The following TRDN variants were observed in gnomAD, a reference collection of about 807,000 sequenced individuals.
The protein encoded by TRDN is triadin in skeletal muscle.
A neutral mutation model predicts 149.7 loss-of-function variants in TRDN; 161 were observed. The ratio of observed to expected loss-of-function variants is 1.08; its 90% CI spans 0.95 to 1.23. The LOEUF (loss-of-function observed/expected upper bound fraction) is 1.23, where lower values mean the gene tolerates loss of function less well. Among genes scored for constraint, TRDN ranks in the 50% most tolerant of loss-of-function variants. The pLI, the probability that TRDN is intolerant of heterozygous loss-of-function variation, is 0.00. For synonymous variants in TRDN, 294 were observed against 250.5 expected (o/e 1.17, Z -1.64); for missense variants, 896 against 823.5 (o/e 1.09, Z -1.08).
chr6:123,495,704 T>C (rs1488781879), intron 9 of TRDN, among the ~76,000 whole-genome samples: 1 of 151,900 alleles, frequency 6.6e-6, no homozygotes, highest in Non-Finnish European at 1.5e-5. Context: ...CTGAAACTTG[T>C]AAGTGTTGAG....
At chr6:123,509,078 C>T (rs1271731315) in intron 7 of TRDN, among the ~76,000 whole-genome samples, 2 of 151,844 alleles carry the variant, frequency 1.3e-5, no homozygotes, top group African/African-American at 4.8e-5. Flanking sequence ...CACATATATA[C>T]ATATGCATAC....
At chr6:123,536,958 T>G (rs1271439677) in intron 4 of TRDN, among the ~76,000 whole-genome samples, 1 of 151,944 alleles carries the variant, frequency 6.6e-6, no homozygotes, top group African/African-American at 2.4e-5. Context: ...TTTCAGAAAT[T>G]TTTTCATGTA....
At chr6:123,251,532 G>GT (rs1392011004) in intron 38 of TRDN, among the ~76,000 whole-genome samples, 1 of 151,402 alleles carries the variant, frequency 6.6e-6, no homozygotes. Flanking sequence ...CACTTGTTTT[G>GT]TTTTGTCTTT....
At chr6:123,629,123 G>A (rs1272733903) in intron 1 of TRDN, among the ~76,000 whole-genome samples, 2 of 152,080 alleles carry the variant, frequency 1.3e-5, no homozygotes, top group East Asian at 1.9e-4. Flanking sequence ...TGTCAGAGAA[G>A]TGCCACTTCA....
At chr6:123,580,691 CCAAT>C (rs1470311589) in intron 1 of TRDN, among the ~76,000 whole-genome samples, 1 of 152,104 alleles carries the variant, frequency 6.6e-6, no homozygotes, top group African/African-American at 2.4e-5. Context: ...CTGCCTATCA[CCAAT>C]CAAATAGCTG....
chr6:123,404,805 C>T (rs1773129749), intron 12 of TRDN, among the ~76,000 whole-genome samples: 1 of 152,206 alleles, frequency 6.6e-6, no homozygotes, highest in Admixed American at 6.5e-5. Flanking sequence ...CTTTAACTGT[C>T]AGCTCACATG....
chr6:123,447,255 T>G (rs1435640205), intron 10 of TRDN, among the ~76,000 whole-genome samples: 2 of 152,190 alleles, frequency 1.3e-5, no homozygotes, highest in Non-Finnish European at 2.9e-5. Flanking sequence ...GTCATACAAT[T>G]TATTCACATA....
chr6:123,574,694 G>A (rs1162335892), intron 1 of TRDN, among the ~76,000 whole-genome samples: 1 of 151,602 alleles, frequency 6.6e-6, no homozygotes. Flanking sequence ...TCACTGTATT[G>A]AGTTGTATAT....
At chr6:123,569,523 T>A (rs1782454204) in intron 2 of TRDN, among the ~76,000 whole-genome samples, 1 of 152,204 alleles carries the variant, frequency 6.6e-6, no homozygotes, top group Non-Finnish European at 1.5e-5. Context: ...CTTGCATTGC[T>A]ATAAAGAAAT....
chr6:123,455,688 C>A (rs974451251), intron 10 of TRDN, among the ~76,000 whole-genome samples: 6 of 152,074 alleles, frequency 3.9e-5, no homozygotes, highest in African/African-American at 1.4e-4. Flanking sequence ...TCCTAAAAAA[C>A]TCTTTTAAAT....
intron 38 of TRDN, among the ~76,000 whole-genome samples, chr6:123,250,443 G>A (rs1390132308): frequency 3.9e-5 from 6 of 151,998 alleles, no homozygotes; most frequent in Admixed American, 3.9e-4. Context: ...AAAGGATTCG[G>A]AAAAAGAATG....
At chr6:123,428,056 A>T (rs958888759) in intron 12 of TRDN, among the ~76,000 whole-genome samples, 1 of 152,166 alleles carries the variant, frequency 6.6e-6, no homozygotes, top group Admixed American at 6.6e-5. Flanking sequence ...TCTAGAAATG[A>T]CTTCTTGAAG....
intron 19 of TRDN, among the ~76,000 whole-genome samples, chr6:123,368,503 A>C (rs1005631014): frequency 3.2e-4 from 48 of 152,318 alleles, no homozygotes; most frequent in African/African-American, 1.1e-3. Context: ...TTCTAAGTTA[A>C]TGAGTCTGGC....
At chr6:123,594,470 T>C (rs1783935198) in intron 1 of TRDN, among the ~76,000 whole-genome samples, 1 of 152,026 alleles carries the variant, frequency 6.6e-6, no homozygotes, top group African/African-American at 2.4e-5. Flanking sequence ...ATAATTTAAT[T>C]ACATCATGTC....
At chr6:123,537,317 G>A (rs1583207826) in intron 4 of TRDN, among the ~76,000 whole-genome samples, 1 of 151,902 alleles carries the variant, frequency 6.6e-6, no homozygotes, top group East Asian at 1.9e-4. Context: ...CTATATTTAT[G>A]GTATTCTACA....
intron 2 of TRDN, among the ~76,000 whole-genome samples, chr6:123,561,249 G>T (rs921688005): frequency 1.3e-5 from 2 of 152,080 alleles, no homozygotes; most frequent in African/African-American, 4.8e-5. Context: ...CAGGCTCTTG[G>T]TATTCAGTGA....
chr6:123,274,319 GC>G (rs1256976071), intron 27 of TRDN, among the ~76,000 whole-genome samples: 1 of 151,894 alleles, frequency 6.6e-6, no homozygotes, highest in Non-Finnish European at 1.5e-5. Context: ...TAAAAACAAA[GC>G]CACCAGAATT....
intron 12 of TRDN, among the ~76,000 whole-genome samples, chr6:123,396,319 C>T (rs1319069936): frequency 6.6e-6 from 1 of 152,118 alleles, no homozygotes; most frequent in African/African-American, 2.4e-5. Context: ...CCACCGTTTC[C>T]AACACCTACT....
intron 5 of TRDN, chr6:123,529,409 T>C: frequency 6.7e-7 from 1 of 1,490,104 alleles, no homozygotes; most frequent in Non-Finnish European, 9.1e-7. Flanking sequence ...GTTCTGATTG[T>C]TGAAGAATTG....
Sources: allele counts gnomAD v4.1 joint callset (sites outside exome capture counted in the v4.1 genomes callset), GRCh38; gene constraint gnomAD v4.1.1; transcripts MANE v1.5; gene names NCBI Gene and HGNC (gene_info 2026-07-23, HGNC 2026-07-21).